ADAM12: variants seen among roughly 807,000 people sequenced by gnomAD.
ADAM12 encodes the protein ADAM metallopeptidase domain 12, also known as disintegrin and metalloproteinase domain-containing protein 12.
A neutral mutation model predicts 106.4 loss-of-function variants in ADAM12; 70 were observed. That is an observed-to-expected ratio of 0.66 (90% CI 0.54 to 0.80). The LOEUF is 0.80. Ranked by LOEUF, ADAM12 falls within the 30% of genes least tolerant of loss-of-function variation. The probability of loss-of-function intolerance (pLI) is 0.00; values close to 1 mark genes in which losing one functional copy is unlikely to be tolerated. For synonymous variants in ADAM12, 420 were observed against 433.5 expected, an observed-to-expected ratio of 0.97 and a Z score of 0.39; for missense variants, 1,010 against 1,171.9, an observed-to-expected ratio of 0.86 and a Z score of 2.02.
At chr10:126,026,820 G>A (rs535726373) in intron 21 of ADAM12, among the ~76,000 whole-genome samples, 3 of 151,970 alleles carry the variant, frequency 2.0e-5, no homozygotes, top group Non-Finnish European at 4.4e-5. Flanking sequence ...AAGCTAGAAA[G>A]ATAAAGTTAA....
chr10:126,146,792 ATTC>A (rs1306955435), intron 4 of ADAM12, among the ~76,000 whole-genome samples: 1 of 152,104 alleles, frequency 6.6e-6, no homozygotes, highest in Non-Finnish European at 1.5e-5. Context: ...GTCTTGGTAA[ATTC>A]TTCTTACCCC....
intron 1 of ADAM12, among the ~76,000 whole-genome samples, chr10:126,345,935 G>C (rs1855122219): frequency 6.6e-6 from 1 of 152,030 alleles, no homozygotes; most frequent in African/African-American, 2.4e-5. Context: ...TCTTGCTAGA[G>C]GTCTATCAAT....
intron 2 of ADAM12, among the ~76,000 whole-genome samples, chr10:126,282,464 T>C (rs1959629532): frequency 6.6e-6 from 1 of 152,210 alleles, no homozygotes; most frequent in African/African-American, 2.4e-5. Context: ...CTATTAATCA[T>C]TATCTTGATT....
intron 5 of ADAM12, among the ~76,000 whole-genome samples, chr10:126,134,783 A>C (rs1956374321): frequency 6.6e-6 from 1 of 152,174 alleles, no homozygotes. Flanking sequence ...CTGCTTTTTA[A>C]CTCAAGCAGG....
chr10:126,256,441 C>T (rs930538757), intron 3 of ADAM12, among the ~76,000 whole-genome samples: 6 of 152,160 alleles, frequency 3.9e-5, no homozygotes, highest in African/African-American at 1.2e-4. Context: ...AAATGGGTGA[C>T]GTGGCCACAG....
At chr10:126,228,312 A>AT (rs1344171247) in intron 3 of ADAM12, among the ~76,000 whole-genome samples, 4 of 152,164 alleles carry the variant, frequency 2.6e-5, no homozygotes, top group Non-Finnish European at 5.9e-5. Context: ...ATCCTAAGAT[A>AT]TTTTTTCCCC....
intron 2 of ADAM12, among the ~76,000 whole-genome samples, chr10:126,327,239 A>G (rs1039767057): frequency 2.0e-5 from 3 of 152,164 alleles, no homozygotes; most frequent in African/African-American, 7.2e-5. Context: ...TGCGGATGTG[A>G]GGAATGCCTC....
chr10:126,041,669 TA>T, intron 18 of ADAM12: 1 of 992,162 alleles, frequency 1.0e-6, no homozygotes, highest in South Asian at 4.7e-5. Context: ...TAATAAATGC[TA>T]AAAGCCATAT....
chr10:126,379,040 A>C (rs1318650221), intron 1 of ADAM12, among the ~76,000 whole-genome samples: 1 of 152,166 alleles, frequency 6.6e-6, no homozygotes, highest in Admixed American at 6.5e-5. Context: ...ACAACAACAA[A>C]AAACCCAGGA....
intron 3 of ADAM12, among the ~76,000 whole-genome samples, chr10:126,192,337 T>C (rs1444039235): frequency 6.6e-6 from 1 of 152,214 alleles, no homozygotes; most frequent in Non-Finnish European, 1.5e-5. Flanking sequence ...CAATAAGTTA[T>C]AGTTATTACT....
At chr10:126,295,816 TAGAG>T (rs1413766726) in intron 2 of ADAM12, among the ~76,000 whole-genome samples, 1 of 151,962 alleles carries the variant, frequency 6.6e-6, no homozygotes, top group African/African-American at 2.4e-5. Flanking sequence ...GAATGTAAAG[TAGAG>T]AGAAGGCAAG....
chr10:126,339,930 C>A (rs1301828077), intron 1 of ADAM12, among the ~76,000 whole-genome samples: 2 of 143,698 alleles, frequency 1.4e-5, no homozygotes, highest in Non-Finnish European at 3.0e-5. Context: ...TCTCAGCTCA[C>A]TGCAACCTCT....
intron 20 of ADAM12, among the ~76,000 whole-genome samples, chr10:126,036,671 G>C (rs928670904): frequency 6.6e-6 from 1 of 152,142 alleles, no homozygotes; most frequent in African/African-American, 2.4e-5. Flanking sequence ...CAAAAGAGAT[G>C]TGAAAATAAG....
At chr10:126,173,974 C>CGTAT (rs1300265499) in intron 3 of ADAM12, among the ~76,000 whole-genome samples, 4 of 148,864 alleles carry the variant, frequency 2.7e-5, no homozygotes, top group Non-Finnish European at 5.9e-5. Context: ...ATATATATGC[C>CGTAT]TATACACCTT....
intron 1 of ADAM12, among the ~76,000 whole-genome samples, chr10:126,358,852 G>C (rs1281756505): frequency 6.6e-6 from 1 of 152,114 alleles, no homozygotes; most frequent in Non-Finnish European, 1.5e-5. Context: ...ATACTAAAAA[G>C]AGACTCTTCA....
chr10:126,093,714 G>A (rs987562494), intron 11 of ADAM12, among the ~76,000 whole-genome samples: 4 of 152,216 alleles, frequency 2.6e-5, no homozygotes, highest in African/African-American at 9.6e-5. Flanking sequence ...GATAATTAGC[G>A]ATTTCTAAAC....
Position 126,046,061 on chromosome 10 carries a change from G to C in ADAM12, c.1989C>G (p.Gly663=), listed in dbSNP as rs773073060. The C allele has an allele frequency of 6.2e-7, 1 of 1,614,000 alleles. No homozygotes were observed. Among genetic ancestry groups the C allele is most frequent in the Admixed American group, 1.7e-5 (1 of 60,014 alleles). Residue 663 remains glycine (G), a synonymous_variant, in exon 17 of 23, where the codon GGC becomes GGG. Coordinates refer to ENST00000448723, the MANE Select transcript of ADAM12 (RefSeq NM_001288973.2). The part of the protein sequence containing the change: ...GVHECAMQCH[G]RGVCNNRKNC... ...GGCAGCTCAGCCTACTCACCCCTCTGCCGTGGCACTGCATTGCACACTCGT... is the reference window on the plus strand; with the variant it reads ...GGCAGCTCAGCCTACTCACCCCTCTCCCGTGGCACTGCATTGCACACTCGT...
chr10:126,259,059 G>C (rs1032300006), intron 3 of ADAM12, among the ~76,000 whole-genome samples: 5 of 152,044 alleles, frequency 3.3e-5, no homozygotes, highest in Non-Finnish European at 7.3e-5. Context: ...ACCTTTGTGG[G>C]ATATTTCCTA....
chr10:126,146,468 G>A (rs1476219915), intron 4 of ADAM12, among the ~76,000 whole-genome samples: 1 of 152,154 alleles, frequency 6.6e-6, no homozygotes, highest in Non-Finnish European at 1.5e-5. Flanking sequence ...AAGCAGATAA[G>A]CTACAAGTCT....
Sources: gnomAD v4.1 joint callset for allele counts (sites outside exome capture counted in the v4.1 genomes callset) on GRCh38, gnomAD v4.1.1 for gene constraint, MANE v1.5 for transcripts, NCBI Gene and HGNC (gene_info 2026-07-23, HGNC 2026-07-21) for gene names.